The following CDAN1 variants were observed in gnomAD, a reference collection of about 807,000 sequenced individuals.
The protein encoded by CDAN1 is codanin-1.
Under a neutral mutation model 139.8 loss-of-function variants are expected in CDAN1, and 107 were observed. The observed-to-expected ratio is 0.77, with a 90% CI of 0.65 to 0.90. The LOEUF is 0.90. Ranked by LOEUF, CDAN1 falls within the 40% of genes least tolerant of loss-of-function variation. The pLI, the probability that CDAN1 is intolerant of heterozygous loss-of-function variation, is 0.00. For synonymous variants in CDAN1, 776 were observed against 660.6 expected (o/e 1.17, Z -2.68); for missense variants, 1,667 against 1,575.7 (o/e 1.06, Z -0.98).
In CDAN1 at chr15:42,735,621, G is replaced by A. The variant is rs1289736982; in HGVS notation, c.832C>T (p.Pro278Ser). 1.9e-6 allele frequency: 3 copies of A among 1,614,052 alleles called. No individual in the cohort carries two copies. In the African/African-American group the frequency reaches 4.0e-5, roughly 22 times the overall value. ...PTCPTPELGS[P>S]LPSRTGSLTD... ...AGGCTTCCTGTCCGGCTGGGGAGGGGCGACCCCAATTCTGGGGTGGGACAG... is the reference window on the plus strand; with the variant it reads ...AGGCTTCCTGTCCGGCTGGGGAGGGACGACCCCAATTCTGGGGTGGGACAG... The change falls in exon 4 of 28, where the codon CCC (proline) becomes TCC (serine). Residue 278 changes from proline to serine, a missense_variant. By Grantham distance (74) the Pro-to-Ser change is moderately conservative. Around this residue, in one of 3 missense-constraint regions of CDAN1, gnomAD observed 487 missense variants for 422.2 expected, o/e 1.15. Transcript: ENST00000356231.
Position 42,723,606 on chromosome 15 carries a change from C to G in CDAN1, c.*885G>C, listed in dbSNP as rs1255192637. On this transcript the variant is annotated 3_prime_UTR_variant, in exon 28 of 28. Coordinates refer to ENST00000356231, the MANE Select transcript of CDAN1 (RefSeq NM_138477.4). ...TCTAAAAAGCTCTAAATGCCCTGTGCTTGGTCCCTGGTCAGGGAGAGGTCT... is the reference window on the plus strand; with the variant it reads ...TCTAAAAAGCTCTAAATGCCCTGTGGTTGGTCCCTGGTCAGGGAGAGGTCT... The G allele has an allele frequency of 1.3e-5, 2 of 152,210 alleles. No individual in the cohort carries two copies. The highest frequency in any genetic ancestry group is 2.9e-5 in the Non-Finnish European group (2 of 68,050). 9.4% of individuals were successfully genotyped at this position (152,210 alleles called of 1,614,324 possible).
Position 42,729,642 on chromosome 15 carries a change from G to T in CDAN1, c.2353-20C>A, listed in dbSNP as rs1418630141. 6.2e-7 allele frequency: 1 copy of T among 1,613,624 alleles called. No individual in the cohort carries two copies. Among genetic ancestry groups the T allele is most frequent in the African/African-American group, 1.3e-5 (1 of 74,894 alleles). ...ATTGTCCTGGGGAGAAAAGGTTGGTGTCAGCAGACTGCCCCTCCCCCAGCG... is the reference window on the plus strand; with the variant it reads ...ATTGTCCTGGGGAGAAAAGGTTGGTTTCAGCAGACTGCCCCTCCCCCAGCG... On this transcript the variant is annotated intron_variant, in intron 16 of 27. Transcript: ENST00000356231.
At position 42,730,582 on chromosome 15, in the gene CDAN1, G is replaced by A; in HGVS notation, c.2174+16C>T. 1 of 1,613,932 alleles carries A rather than the reference G, an allele frequency of 6.2e-7. No homozygotes were observed. Among genetic ancestry groups the A allele is most frequent in the Non-Finnish European group, 8.5e-7 (1 of 1,179,810 alleles). On this transcript the variant is annotated intron_variant, in intron 14 of 27. Coordinates refer to ENST00000356231, the MANE Select transcript of CDAN1 (RefSeq NM_138477.4). ...TCCCGAATCCTTTCATCAAGCCTCA[G>A]CCTTGTTCCACTCACCGGTGCAGGC...
chr15:42,729,272 G>C lies in CDAN1; in HGVS notation c.2498C>G (p.Thr833Ser), dbSNP rs1235281866. ...FMRKITPTTT[T>S]SLGAQPSQTS... ...CTGGGAAGGCTGGGCTCCCAGGCTG[G>C]TGGTAGTGGTGGGGGTGATTTTCCT... Residue 833 changes from threonine (T) to serine (S), a missense_variant, in exon 18 of 28, where the codon ACC (threonine) becomes AGC (serine). Thr to Ser is a moderately conservative substitution (Grantham distance 58). This residue lies in a region of CDAN1 where 936 missense variants were observed against 844.1 expected (regional missense o/e 1.11). Transcript: ENST00000356231. 5 of 1,613,932 alleles carry C rather than the reference G, an allele frequency of 3.1e-6. No individual in the cohort carries two copies. Among genetic ancestry groups the C allele is most frequent in the South Asian group, 2.2e-5 (2 of 91,074 alleles).
rs1566985439 is a variant in CDAN1, at chr15:42,731,674, G to A, written c.1685C>T (p.Pro562Leu). The A allele has an allele frequency of 6.2e-7, 1 of 1,614,142 alleles. No individual in the cohort carries two copies. Among genetic ancestry groups the A allele is most frequent in the Non-Finnish European group, 8.5e-7 (1 of 1,180,020 alleles). The change falls in exon 11 of 28, where the codon CCC becomes CTC. Residue 562 changes from proline to leucine, a missense_variant. Transcript: ENST00000356231. ...PQSSGGPCPP[P>L]TFPGCQGFFR... The stretch of plus-strand genomic sequence containing the variant: ...GAAGCCTTGACAGCCTGGGAAGGTG[G>A]GGGGTGGGCAGGGCCCCCCACTGCT...
chr15:42,725,288 CGACAGAGTGACCCTGAT>C, intron 26 of CDAN1, 37 bp from the exon 27 acceptor site: 1 of 1,585,100 alleles, frequency 6.3e-7, no homozygotes, highest in East Asian at 2.2e-5. Flanking sequence ...GCTAGGAGGA[CGACAGAGTGACCCTGAT>C]GACAGAGATT....
At position 42,723,738 on chromosome 15, in the gene CDAN1, GCT is replaced by G. The variant is rs1023701782; in HGVS notation, c.*751_*752del. 4 of 152,510 alleles carry G rather than the reference GCT, an allele frequency of 2.6e-5. No homozygotes were observed. Among genetic ancestry groups the G allele is most frequent in the African/African-American group, 7.2e-5 (3 of 41,400 alleles). 9.4% of individuals were successfully genotyped at this position (152,510 alleles called of 1,614,324 possible). ...TGTTAGGCTTTTTCTAGAAAGTCTC[GCT>G]CTGTTACCCAGACTGGAGTGCAGTG... On this transcript the variant is annotated 3_prime_UTR_variant, in exon 28 of 28. Coordinates refer to ENST00000356231, the MANE Select transcript of CDAN1 (RefSeq NM_138477.4).
At position 42,731,865 on chromosome 15, in the gene CDAN1, C is replaced by T. The variant is rs12917018; in HGVS notation, c.1534-40G>A. 429,102 of 1,589,354 alleles carry T rather than the reference C, an allele frequency of 0.27. 74,580 individuals are homozygous for T. The highest frequency in any genetic ancestry group is 0.85 in the African/African-American group (63,535 of 74,596). On this transcript the variant is annotated intron_variant, in intron 10 of 27. Transcript: ENST00000356231. ...GAAGGAGAGAAATTAAAAAAATCAG[C>T]AAGTGGGAGGGAAGGACTGAACAAA... is the stretch of plus-strand genomic sequence containing the variant.
chr15:42,735,595 G>A lies in CDAN1; in HGVS notation c.858C>T (p.Leu286=). 2 of 1,614,254 alleles carry A rather than the reference G, an allele frequency of 1.2e-6. No individual in the cohort carries two copies. The highest frequency in any genetic ancestry group is 1.7e-6 in the Non-Finnish European group (2 of 1,180,048). The change falls in exon 4 of 28, where the codon CTC becomes CTT. Residue 286 remains leucine (L), a synonymous_variant. Transcript: ENST00000356231. The stretch of plus-strand genomic sequence containing the variant: ...TGGCAGGGTCTGCAGGTTCATCTGT[G>A]AGGCTTCCTGTCCGGCTGGGGAGGG... ...GSPLPSRTGS[L]TDEPADPARV... is the part of the protein sequence containing the mutation.
chr15:42,736,317 G>T lies in CDAN1; in HGVS notation c.554C>A (p.Pro185His), dbSNP rs370085664. The T allele has an allele frequency of 8.1e-6, 13 of 1,613,646 alleles. No individual in the cohort carries two copies. Among genetic ancestry groups the T allele is most frequent in the Non-Finnish European group, 9.3e-6 (11 of 1,179,942 alleles). ...LEEFPPVGSV[P>H]PGPTGTKPSR... ...TGAGTCTCACCCTGTAGGGCCGGGGGGAACCGAGCCTACGGGAGGGAACTC... is the reference window on the plus strand; with the variant it reads ...TGAGTCTCACCCTGTAGGGCCGGGGTGAACCGAGCCTACGGGAGGGAACTC... The change falls in exon 2 of 28, where the codon CCC becomes CAC. Residue 185 changes from proline (P) to histidine (H), a missense_variant. Coordinates refer to ENST00000356231, the MANE Select transcript of CDAN1 (RefSeq NM_138477.4).
At position 42,729,570 on chromosome 15, in the gene CDAN1, A is replaced by G; in HGVS notation, c.2405T>C (p.Ile802Thr). Residue 802 changes from isoleucine (I) to threonine (T), a missense_variant and splice_region_variant, in exon 17 of 28, where the codon ATC becomes ACC. Physicochemically the swap from Ile to Thr is moderately conservative, Grantham distance 89. This residue lies in a region of CDAN1 where 936 missense variants were observed against 844.1 expected (regional missense o/e 1.11). Transcript: ENST00000356231. ...GTCCAGGGAAGACCGGTGCTCACCG[A>G]TGTAGGGGCAGCAGGTGTAGAGCAG... ...QQLLYTCCPY[I>T]GELRKLLASW... 6.2e-7 allele frequency: 1 copy of G among 1,614,128 alleles called. No individual in the cohort carries two copies.
chr15:42,734,899 G>A lies in CDAN1; in HGVS notation c.1136+201C>T, dbSNP rs141275003. On this transcript the variant is annotated intron_variant, in intron 6 of 27. Transcript: ENST00000356231. ...CTCTCAAAGTGGTGGGAATGCAGGC[G>A]TGAGCCACCACACCTGGCCCGATCT... 8.2e-3 allele frequency among the ~76,000 whole-genome samples: 1,248 copies of A among 151,710 alleles called. 14 individuals carry two copies. The highest frequency in any genetic ancestry group is 0.029 in the African/African-American group (1,180 of 41,350).
intron 18 of CDAN1, 45 bp downstream of exon 18, chr15:42,729,183 CA>C (rs2061574659): frequency 3.1e-6 from 5 of 1,601,046 alleles, no homozygotes; most frequent in Non-Finnish European, 4.3e-6. Flanking sequence ...TCCCCGCCCC[CA>C]ACCCCCCCTC....
intron 27 of CDAN1, 137 bp from the exon 28 acceptor site, chr15:42,724,753 AC>A (rs2061500247): frequency 2.7e-6 from 3 of 1,118,494 alleles, no homozygotes. Context: ...TGGACATGAA[AC>A]CTTGTCTGTT....
At chr15:42,731,529 G>A in intron 11 of CDAN1, 91 bp downstream of exon 11, 1 of 1,459,390 alleles carries the variant, frequency 6.9e-7, no homozygotes. Context: ...CTATCTCCAG[G>A]CAAAGGAGAC....
intron 10 of CDAN1, 95 bp downstream of exon 10, chr15:42,732,238 C>T: frequency 8.5e-7 from 1 of 1,180,788 alleles, no homozygotes; most frequent in South Asian, 1.2e-5. Context: ...CCAGGACCTG[C>T]CAGGCTGTCT....
intron 8 of CDAN1, 144 bp from the exon 9 acceptor site, chr15:42,733,330 A>G (rs777607501): frequency 7.7e-5 from 56 of 727,608 alleles, no homozygotes; most frequent in Admixed American, 1.2e-4. Flanking sequence ...GCTGGATTGC[A>G]ATGACGCGAT....
chr15:42,733,430 C>A (rs768431648), intron 8 of CDAN1, among the ~76,000 whole-genome samples: 1 of 152,192 alleles, frequency 6.6e-6, no homozygotes, highest in South Asian at 2.1e-4. Flanking sequence ...GTGCCCACCA[C>A]CACGCCTGGC....
At chr15:42,726,698 G>C (rs1458035009) in intron 23 of CDAN1, 1 of 529,154 alleles carries the variant, frequency 1.9e-6, no homozygotes, top group Non-Finnish European at 3.4e-6. Context: ...CCAAACTGTA[G>C]CTAACCAACT....
Sources: gnomAD v4.1 joint callset for allele counts (sites outside exome capture counted in the v4.1 genomes callset) on GRCh38, gnomAD v4.1.1 for gene constraint, gnomAD v4.1.1 regional missense constraint, MANE v1.5 for transcripts, NCBI Gene and HGNC (gene_info 2026-07-23, HGNC 2026-07-21) for gene names.